The following TMEM63C variants were observed in gnomAD, a reference collection of about 807,000 sequenced individuals.
TMEM63C encodes osmosensitive cation channel TMEM63C.
A neutral mutation model predicts 99.2 loss-of-function variants in TMEM63C; 32 were observed. That is an observed-to-expected ratio of 0.32 (90% confidence interval 0.24 to 0.43). The LOEUF (loss-of-function observed/expected upper bound fraction) is 0.43. TMEM63C is among the 20% of genes least tolerant of loss of function. TMEM63C has a pLI of 1.00. For missense variants in TMEM63C, 826 were observed against 1,053.0 expected, an observed-to-expected ratio of 0.78 and a Z score of 2.98; for synonymous variants, 376 against 397.9, an observed-to-expected ratio of 0.94 and a Z score of 0.66.
At chr14:77,248,654 G>A in intron 19 of TMEM63C, 113 bp from the exon 20 acceptor site, 1 of 1,495,314 alleles carries the variant, frequency 6.7e-7, no homozygotes. Flanking sequence ...CTACAGGGTT[G>A]GAAAGGAGGC....
At chr14:77,218,642 G>A (rs1022312865) in intron 2 of TMEM63C, among the ~76,000 whole-genome samples, 159 bp from the exon 3 acceptor site, 12 of 152,270 alleles carry the variant, frequency 7.9e-5, no homozygotes, top group Admixed American at 7.2e-4. Flanking sequence ...GGACAGGGCT[G>A]TGTGCCGTCT....
At chr14:77,205,780 G>T (rs1888387490) in intron 1 of TMEM63C, among the ~76,000 whole-genome samples, 1 of 152,204 alleles carries the variant, frequency 6.6e-6, no homozygotes. Context: ...CCCAGCCTCT[G>T]CCCAGGAGCA....
intron 1 of TMEM63C, among the ~76,000 whole-genome samples, chr14:77,191,691 T>G (rs1057038663): frequency 6.6e-6 from 1 of 152,032 alleles, no homozygotes; most frequent in Non-Finnish European, 1.5e-5. Context: ...ATCACAGGCA[T>G]GCGCCACCAA....
At chr14:77,200,718 T>A (rs892946242) in intron 1 of TMEM63C, among the ~76,000 whole-genome samples, 4 of 152,244 alleles carry the variant, frequency 2.6e-5, no homozygotes, top group Middle Eastern at 3.2e-3. Context: ...CCGCTCCCCA[T>A]CTGCCTCTCG....
intron 5 of TMEM63C, among the ~76,000 whole-genome samples, chr14:77,223,809 AAC>A (rs1888769475): frequency 6.6e-6 from 1 of 152,256 alleles, no homozygotes; most frequent in Admixed American, 6.5e-5. Context: ...AAGGGGCAGA[AAC>A]ACATTCCCAG....
intron 23 of TMEM63C, 48 bp downstream of exon 23, chr14:77,253,424 G>A (rs752736170): frequency 1.8e-5 from 28 of 1,536,436 alleles, no homozygotes; most frequent in Non-Finnish European, 2.3e-5. Flanking sequence ...TGCTTGCAGG[G>A]ATGGTCTACT....
intron 17 of TMEM63C, 85 bp downstream of exon 17, chr14:77,246,111 T>C: frequency 9.3e-7 from 1 of 1,078,272 alleles, no homozygotes; most frequent in Non-Finnish European, 1.4e-6. Flanking sequence ...TAGACCTGCC[T>C]GTGATTGCTG....
intron 2 of TMEM63C, 59 bp downstream of exon 2, chr14:77,213,567 C>T (rs572931673): frequency 2.0e-5 from 3 of 152,256 alleles, no homozygotes; most frequent in African/African-American, 7.2e-5. Context: ...CACCTTCCCC[C>T]GCCCGCTTCC....
intron 1 of TMEM63C, among the ~76,000 whole-genome samples, chr14:77,186,932 A>G (rs116062385): frequency 0.017 from 2,516 of 152,180 alleles, 77 homozygotes; most frequent in African/African-American, 0.058. Flanking sequence ...AGGCGTGTCA[A>G]CTAGGCCTGG....
At position 77,248,449 on chromosome 14, in the gene TMEM63C, C is replaced by T; in HGVS notation, c.1704C>T (p.Phe568=). Residue 568 remains phenylalanine (F), a synonymous_variant, in exon 19 of 24, where the codon TTC becomes TTT. Coordinates refer to ENST00000298351, the MANE Select transcript of TMEM63C (RefSeq NM_020431.4). ...AGCTGCTGCGTCTGGGGTCACTCTT[C>T]TGCTACAGCACCCGCCTCTTCTTCT... ...GMELLRLGSL[F]CYSTRLFFSR... 6.3e-7 allele frequency: 1 copy of T among 1,576,918 alleles called. No individual in the cohort carries two copies. Among genetic ancestry groups the T allele is most frequent in the Non-Finnish European group, 8.6e-7 (1 of 1,161,684 alleles).
chr14:77,220,690 G>A (rs529168576), intron 5 of TMEM63C, among the ~76,000 whole-genome samples: 1 of 152,230 alleles, frequency 6.6e-6, no homozygotes, highest in African/African-American at 2.4e-5. Flanking sequence ...CAGAGGCATG[G>A]TGGAGAACGC....
intron 14 of TMEM63C, 82 bp from the exon 15 acceptor site, chr14:77,242,821 C>T: frequency 6.5e-7 from 1 of 1,545,630 alleles, no homozygotes; most frequent in Non-Finnish European, 8.9e-7. Context: ...AGGCTGGGTC[C>T]ACAGCTGGCC....
At chr14:77,243,442 A>G (rs567364381) in intron 15 of TMEM63C, among the ~76,000 whole-genome samples, 11 of 152,206 alleles carry the variant, frequency 7.2e-5, no homozygotes, top group Non-Finnish European at 1.3e-4. Context: ...AAGTTGTCCG[A>G]GGCAGCAGGC....
At chr14:77,223,631 G>A (rs867472428) in intron 5 of TMEM63C, among the ~76,000 whole-genome samples, 3 of 152,138 alleles carry the variant, frequency 2.0e-5, no homozygotes, top group African/African-American at 7.2e-5. Context: ...ACTCAGGGGA[G>A]GGAGTGTGTG....
At chr14:77,234,776 GGT>G (rs1433283876) in intron 8 of TMEM63C, among the ~76,000 whole-genome samples, 16 of 152,182 alleles carry the variant, frequency 1.1e-4, no homozygotes, top group Admixed American at 1.0e-3. Flanking sequence ...TGGCAAACAT[GGT>G]CCAAGTGCCA....
Position 77,248,481 on chromosome 14 carries a change from C to T in TMEM63C, c.1736C>T (p.Ser579Leu). The part of the protein sequence containing the change: ...CYSTRLFFSR[S>L]EPERVNIRKN... ...AGCACCCGCCTCTTCTTCTCTAGAT[C>T]AGAGCCAGAGAGAGTCAACATCAGA... The change falls in exon 19 of 24, where the codon TCA becomes TTA. Residue 579 changes from serine (S) to leucine (L), a missense_variant. Transcript: ENST00000298351. 1.3e-6 allele frequency: 2 copies of T among 1,591,834 alleles called. No homozygotes were observed. The highest frequency in any genetic ancestry group is 1.7e-6 in the Non-Finnish European group (2 of 1,169,206).
intron 22 of TMEM63C, among the ~76,000 whole-genome samples, chr14:77,252,809 G>A (rs756374292): frequency 1.3e-5 from 2 of 152,300 alleles, no homozygotes; most frequent in East Asian, 1.9e-4. Flanking sequence ...CCTTCTCCAC[G>A]CCTGGCTGGA....
chr14:77,182,246 G>A (rs532962625), intron 1 of TMEM63C, among the ~76,000 whole-genome samples: 1 of 152,096 alleles, frequency 6.6e-6, no homozygotes, highest in Non-Finnish European at 1.5e-5. Context: ...ACCGCTCGGG[G>A]CTACCCTCTC....
Position 77,236,475 on chromosome 14 carries a change from G to A in TMEM63C, c.543-149G>A, listed in dbSNP as rs563620242. On this transcript the variant is annotated intron_variant, in intron 8 of 23. Transcript: ENST00000298351. ...ACTGTAATGGGTTGGGGTCTGGGGA[G>A]ACTTGGATGGTTGTGGGGGTCTGAG... 5.4e-4 allele frequency: 331 copies of A among 616,072 alleles called. 3 individuals carry two copies. Among genetic ancestry groups the A allele is most frequent in the South Asian group, 1.0e-3 (56 of 55,572 alleles). 38.2% of individuals were successfully genotyped at this position (616,072 alleles called of 1,614,324 possible).
Sources: gnomAD v4.1 joint callset for allele counts (sites outside exome capture counted in the v4.1 genomes callset) on GRCh38, gnomAD v4.1.1 for gene constraint, MANE v1.5 for transcripts, NCBI Gene and HGNC (gene_info 2026-07-23, HGNC 2026-07-21) for gene names.